PBX1: variants seen among roughly 807,000 people sequenced by gnomAD.
PBX1 encodes the protein pre-B-cell leukemia transcription factor 1.
PBX1 carries 6 observed loss-of-function variants against 53.4 expected under a neutral mutation model. That is an observed-to-expected ratio of 0.11 (90% CI 0.06 to 0.22). The LOEUF (loss-of-function observed/expected upper bound fraction) is 0.22. Among genes scored for constraint, PBX1 ranks in the 10% least tolerant of loss-of-function variants. The pLI is 1.00. For missense variants in PBX1, 251 were observed against 551.4 expected (o/e 0.46, Z 5.46); for synonymous variants, 204 against 212.3 (o/e 0.96, Z 0.34).
intron 2 of PBX1, among the ~76,000 whole-genome samples, chr1:164,604,661 G>C (rs1016355339): frequency 6.6e-6 from 1 of 152,148 alleles, no homozygotes; most frequent in African/African-American, 2.4e-5. Flanking sequence ...TATCAAAATA[G>C]TCATAAAGGA....
At chr1:164,655,574 T>A (rs1392687824) in intron 2 of PBX1, among the ~76,000 whole-genome samples, 3 of 152,164 alleles carry the variant, frequency 2.0e-5, no homozygotes, top group Non-Finnish European at 4.4e-5. Context: ...TTTCTTGTAG[T>A]GGTTTACTGA....
intron 2 of PBX1, among the ~76,000 whole-genome samples, chr1:164,873,549 C>A (rs901650077): frequency 6.6e-6 from 1 of 152,156 alleles, no homozygotes; most frequent in African/African-American, 2.4e-5. Flanking sequence ...TAGACTCTTG[C>A]CCAAGAATAT....
At chr1:164,790,006 T>C (rs1222562229) in intron 2 of PBX1, among the ~76,000 whole-genome samples, 2 of 152,110 alleles carry the variant, frequency 1.3e-5, no homozygotes. Context: ...CATAAATTTC[T>C]TTGTGGATAA....
chr1:164,821,687 C>T (rs1285273720), intron 8 of PBX1, 61 bp downstream of exon 8: 5 of 1,316,976 alleles, frequency 3.8e-6, no homozygotes, highest in Non-Finnish European at 3.3e-6. Context: ...CCAATTATTT[C>T]AAAGCCATAG....
At chr1:164,692,346 G>A (rs964688833) in intron 2 of PBX1, among the ~76,000 whole-genome samples, 8 of 152,138 alleles carry the variant, frequency 5.3e-5, no homozygotes, top group Non-Finnish European at 1.2e-4. Flanking sequence ...CTGTCACTCA[G>A]CCCATTGCCT....
intron 2 of PBX1, among the ~76,000 whole-genome samples, chr1:164,780,880 T>A (rs994199502): frequency 2.0e-5 from 3 of 152,128 alleles, no homozygotes; most frequent in Non-Finnish European, 4.4e-5. Context: ...ACCGTTAGTA[T>A]CACCGTTAGT....
chr1:164,726,877 C>G (rs901976152), intron 2 of PBX1, among the ~76,000 whole-genome samples: 6 of 152,130 alleles, frequency 3.9e-5, no homozygotes, highest in Non-Finnish European at 8.8e-5. Context: ...AGAATCCCTT[C>G]ATGTGGAGGC....
intron 2 of PBX1, chr1:164,680,079 A>T (rs759495567): frequency 6.6e-6 from 1 of 152,178 alleles, no homozygotes; most frequent in African/African-American, 2.4e-5. Context: ...AGTCCATTCC[A>T]TGTGGAAATC....
At chr1:164,625,346 C>T (rs902463485) in intron 2 of PBX1, among the ~76,000 whole-genome samples, 18 of 152,150 alleles carry the variant, frequency 1.2e-4, no homozygotes, top group Non-Finnish European at 4.4e-5. Context: ...TATAGCTTAT[C>T]GGCAATGAGG....
chr1:164,699,808 C>T (rs962980481), intron 2 of PBX1, among the ~76,000 whole-genome samples: 3 of 152,086 alleles, frequency 2.0e-5, no homozygotes, highest in African/African-American at 7.2e-5. Context: ...ATAAAAAAGC[C>T]CAGCAGAAAG....
intron 2 of PBX1, among the ~76,000 whole-genome samples, chr1:164,861,323 T>A (rs1012008468): frequency 5.3e-5 from 8 of 152,170 alleles, no homozygotes; most frequent in Non-Finnish European, 1.2e-4. Flanking sequence ...CAGCTCTGCT[T>A]AACTCACTTC....
intron 2 of PBX1, among the ~76,000 whole-genome samples, chr1:164,860,996 G>A (rs1235829318): frequency 5.3e-5 from 8 of 150,886 alleles, no homozygotes; most frequent in Non-Finnish European, 8.9e-5. Flanking sequence ...TGGTGTAGGA[G>A]GAGGTGGAAA....
At chr1:164,618,297 C>CG (rs141131624) in intron 2 of PBX1, among the ~76,000 whole-genome samples, 4,710 of 17,190 alleles carry the variant, frequency 0.27, 419 homozygotes, top group Middle Eastern at 0.44. Context: ...ATAATCACGG[C>CG]GGGGGGGGGG....
At position 164,780,363 on chromosome 1, in the gene PBX1, C is replaced by G. The variant is rs530440232; in HGVS notation, c.266-12131C>G. On this transcript the variant is annotated intron_variant, in intron 2 of 8. Transcript: ENST00000420696. ...CACATTATTTTCGATAAGTTGCAAT[C>G]ATTTACTTGAAATCTACTTCTCCTT... Among the ~76,000 whole-genome samples, 17 of 152,308 alleles carry G rather than the reference C, an allele frequency of 1.1e-4. No homozygotes were observed. The South Asian group carries it at 3.3e-3, about 30-fold the overall frequency.
chr1:164,610,631 A>G (rs568151773), intron 2 of PBX1, among the ~76,000 whole-genome samples: 1 of 152,108 alleles, frequency 6.6e-6, no homozygotes, highest in Non-Finnish European at 1.5e-5. Flanking sequence ...GCTACAAGCG[A>G]TCGGTTCTGT....
intron 2 of PBX1, among the ~76,000 whole-genome samples, chr1:164,564,203 T>C (rs944714020): frequency 1.3e-5 from 2 of 152,180 alleles, no homozygotes; most frequent in African/African-American, 4.8e-5. Context: ...CGGGAGCTTC[T>C]GCTGGGCTCT....
intron 2 of PBX1, among the ~76,000 whole-genome samples, chr1:164,858,704 G>T (rs1220102713): frequency 1.3e-5 from 2 of 152,284 alleles, no homozygotes; most frequent in Non-Finnish European, 2.9e-5. Flanking sequence ...GAATTGCAAA[G>T]CAAACACTGG....
intron 2 of PBX1, among the ~76,000 whole-genome samples, chr1:164,719,757 G>A (rs1664301766): frequency 2.0e-5 from 3 of 152,150 alleles, no homozygotes; most frequent in African/African-American, 7.2e-5. Flanking sequence ...GCACTGGAAA[G>A]CACATGGGGG....
intron 2 of PBX1, among the ~76,000 whole-genome samples, chr1:164,763,479 A>G (rs1666910713): frequency 6.6e-6 from 1 of 152,238 alleles, no homozygotes; most frequent in African/African-American, 2.4e-5. Flanking sequence ...ATTTAGTTAC[A>G]AGGGAGTCTT....
Sources: gnomAD v4.1 joint callset for allele counts (sites outside exome capture counted in the v4.1 genomes callset) on GRCh38, gnomAD v4.1.1 for gene constraint, MANE v1.5 for transcripts, NCBI Gene and HGNC (gene_info 2026-07-23, HGNC 2026-07-21) for gene names.